DENND4A: variants seen among roughly 807,000 people sequenced by gnomAD.
DENND4A encodes the protein C-myc promoter-binding protein.
DENND4A carries 70 observed loss-of-function variants against 199.3 expected under a neutral mutation model. The observed-to-expected ratio is 0.35, with a 90% CI of 0.29 to 0.43. DENND4A has a LOEUF of 0.43. Ranked by LOEUF, DENND4A falls within the 20% of genes least tolerant of loss-of-function variation. The pLI is 1.00. For missense variants in DENND4A, 1,723 were observed against 2,255.8 expected (o/e 0.76, Z 4.78); for synonymous variants, 686 against 766.9 (o/e 0.89, Z 1.74).
intron 17 of DENND4A, 148 bp from the exon 18 acceptor site, chr15:65,702,038 G>T: frequency 8.8e-7 from 1 of 1,139,916 alleles, no homozygotes; most frequent in East Asian, 2.4e-5. Flanking sequence ...CAAGGCAGGT[G>T]AAGCTCTGGA....
At chr15:65,700,969 A>C in intron 19 of DENND4A, 82 bp downstream of exon 19, 1 of 1,438,032 alleles carries the variant, frequency 7.0e-7, no homozygotes, top group South Asian at 1.3e-5. Context: ...CAATATTTTA[A>C]AACTATTTAA....
At chr15:65,683,678 T>C (rs968454115) in intron 23 of DENND4A, among the ~76,000 whole-genome samples, 2 of 152,244 alleles carry the variant, frequency 1.3e-5, no homozygotes, top group African/African-American at 2.4e-5. Context: ...TTCTTAGTGA[T>C]TTGTAATTGA....
intron 5 of DENND4A, among the ~76,000 whole-genome samples, chr15:65,739,371 G>C (rs1003992100): frequency 6.6e-6 from 1 of 152,084 alleles, no homozygotes; most frequent in African/African-American, 2.4e-5. Flanking sequence ...CAATGTCTTA[G>C]GAATAGTATC....
At chr15:65,728,244 C>T (rs1045804288) in intron 11 of DENND4A, among the ~76,000 whole-genome samples, 10 of 152,026 alleles carry the variant, frequency 6.6e-5, no homozygotes, top group African/African-American at 1.9e-4. Flanking sequence ...CTCAAGTGAT[C>T]CGTCCACCTT....
At chr15:65,746,857 G>C (rs1290827469) in intron 4 of DENND4A, among the ~76,000 whole-genome samples, 2 of 151,018 alleles carry the variant, frequency 1.3e-5, no homozygotes, top group Non-Finnish European at 1.5e-5. Flanking sequence ...CGGATCACTT[G>C]AGATCAGAAG....
At chr15:65,667,781 G>T in intron 28 of DENND4A, 78 bp from the exon 29 acceptor site, 1 of 1,502,720 alleles carries the variant, frequency 6.7e-7, no homozygotes, top group South Asian at 1.3e-5. Flanking sequence ...ATTCCCATAT[G>T]AGTAGAAAAG....
Position 65,717,779 on chromosome 15 carries a change from T to G in DENND4A, c.1806A>C (p.Gln602His), listed in dbSNP as rs749573806. Residue 602 changes from glutamine to histidine, a missense_variant and splice_region_variant, in exon 13 of 33, where the codon CAA becomes CAC. Gln to His is a conservative substitution (Grantham distance 24). Coordinates refer to ENST00000443035, the MANE Select transcript of DENND4A (RefSeq NM_001320835.1). Reference protein sequence around the residue: ...ATDAASLFALQAFLRSRDRSH... With the variant: ...ATDAASLFALHAFLRSRDRSH... ...CTTTAAAACTATGCAGTCACTCACCTTGTAGGGCAAAGAGAGAGGCTGCAT... is the reference window on the plus strand; with the variant it reads ...CTTTAAAACTATGCAGTCACTCACCGTGTAGGGCAAAGAGAGAGGCTGCAT... 4 of 1,596,286 alleles carry G rather than the reference T, an allele frequency of 2.5e-6. No individual in the cohort carries two copies. Among genetic ancestry groups the G allele is most frequent in the Non-Finnish European group, 3.4e-6 (4 of 1,170,784 alleles).
intron 23 of DENND4A, among the ~76,000 whole-genome samples, chr15:65,684,834 T>C (rs905600166): frequency 4.0e-5 from 6 of 150,434 alleles, no homozygotes; most frequent in Non-Finnish European, 8.9e-5. Context: ...TTTTTTTTTT[T>C]TTTTTTTGAG....
chr15:65,750,186 C>T (rs928726373), intron 4 of DENND4A, among the ~76,000 whole-genome samples: 8 of 152,114 alleles, frequency 5.3e-5, no homozygotes, highest in African/African-American at 1.2e-4. Context: ...TGTGCAGCAA[C>T]GTGGATGCAG....
At chr15:65,788,126 G>C (rs577083532) in intron 1 of DENND4A, among the ~76,000 whole-genome samples, 9 of 151,920 alleles carry the variant, frequency 5.9e-5, no homozygotes, top group South Asian at 2.1e-4. Flanking sequence ...ACCCAGGCTG[G>C]GGTGCAGTGG....
intron 23 of DENND4A, among the ~76,000 whole-genome samples, chr15:65,686,822 T>C (rs2076799927): frequency 6.6e-6 from 1 of 151,720 alleles, no homozygotes; most frequent in South Asian, 2.1e-4. Flanking sequence ...CCTGAGTAGC[T>C]AGGACTACAT....
intron 14 of DENND4A, among the ~76,000 whole-genome samples, chr15:65,714,194 G>T (rs748396421): frequency 1.3e-5 from 2 of 151,912 alleles, no homozygotes; most frequent in African/African-American, 4.8e-5. Flanking sequence ...GGCAGATCAC[G>T]AGGTCAGGAG....
At chr15:65,737,584 C>T (rs1426398984) in intron 7 of DENND4A, 123 bp downstream of exon 7, 2 of 995,952 alleles carry the variant, frequency 2.0e-6, no homozygotes, top group Non-Finnish European at 2.9e-6. Context: ...CTGAAATAAA[C>T]CATTTTTTTC....
intron 1 of DENND4A, among the ~76,000 whole-genome samples, chr15:65,763,977 G>A (rs1053035826): frequency 6.6e-6 from 1 of 152,052 alleles, no homozygotes; most frequent in African/African-American, 2.4e-5. Context: ...AACATCAGTT[G>A]TCACAAAAAT....
intron 24 of DENND4A, among the ~76,000 whole-genome samples, chr15:65,675,730 G>C (rs1367308741): frequency 6.6e-6 from 1 of 152,152 alleles, no homozygotes; most frequent in Non-Finnish European, 1.5e-5. Context: ...ATCCAAGTGT[G>C]CCAACATAGT....
intron 4 of DENND4A, among the ~76,000 whole-genome samples, chr15:65,751,744 C>A (rs1403373184): frequency 6.6e-6 from 1 of 151,958 alleles, no homozygotes; most frequent in Admixed American, 6.6e-5. Context: ...TAGAAACCTG[C>A]TGAAAAATTA....
chr15:65,786,050 ATATT>A (rs2077558694), intron 1 of DENND4A, among the ~76,000 whole-genome samples: 1 of 152,214 alleles, frequency 6.6e-6, no homozygotes, highest in Admixed American at 6.5e-5. Flanking sequence ...AAAGGGAAAA[ATATT>A]TATATCCTAG....
chr15:65,692,341 C>A (rs1426076463), intron 22 of DENND4A, among the ~76,000 whole-genome samples: 3 of 152,126 alleles, frequency 2.0e-5, no homozygotes, highest in Non-Finnish European at 4.4e-5. Context: ...TCACTGTTTT[C>A]TACCAAATTA....
At position 65,697,476 on chromosome 15, in the gene DENND4A, T is replaced by C; in HGVS notation, c.2834-93A>G. On this transcript the variant is annotated intron_variant, in intron 20 of 32. Coordinates refer to ENST00000443035, the MANE Select transcript of DENND4A (RefSeq NM_001320835.1). ...GCAACATACTAGTGTTTGGATTTCC[T>C]TATAAATTTTTTTCTGGACAACTTC... 3 of 760,250 alleles carry C rather than the reference T, an allele frequency of 3.9e-6. No homozygotes were observed. In the South Asian group the frequency reaches 5.2e-5, roughly 13 times the overall value. The allele number at this position is 760,250 out of a possible 1,614,324, so 47.1% of individuals were successfully genotyped here.
Sources: allele counts gnomAD v4.1 joint callset (sites outside exome capture counted in the v4.1 genomes callset), GRCh38; gene constraint gnomAD v4.1.1; transcripts MANE v1.5; gene names NCBI Gene and HGNC (gene_info 2026-07-23, HGNC 2026-07-21).